IMMP2L: variants seen among roughly 807,000 people sequenced by gnomAD.
IMMP2L encodes the protein inner mitochondrial membrane peptidase subunit 2.
In IMMP2L, 18 loss-of-function variants were observed where a neutral mutation model predicts 19.3. The ratio of observed to expected loss-of-function variants is 0.93; its 90% CI spans 0.64 to 1.38. The LOEUF (loss-of-function observed/expected upper bound fraction) is 1.38. Among genes scored for constraint, IMMP2L ranks in the 40% most tolerant of loss-of-function variants. The pLI is 0.00. For missense variants in IMMP2L, 233 were observed against 218.2 expected, an observed-to-expected ratio of 1.07 and a Z score of -0.43; for synonymous variants, 76 against 73.0, an observed-to-expected ratio of 1.04 and a Z score of -0.21.
chr7:110,886,138 G>A (rs1484253711), intron 5 of IMMP2L, among the ~76,000 whole-genome samples: 2 of 151,998 alleles, frequency 1.3e-5, no homozygotes, highest in Non-Finnish European at 2.9e-5. Flanking sequence ...GACCCTAAGA[G>A]GGTAGAGGTA....
intron 3 of IMMP2L, among the ~76,000 whole-genome samples, chr7:111,361,172 A>G (rs1829225449): frequency 6.6e-6 from 1 of 152,232 alleles, no homozygotes; most frequent in East Asian, 1.9e-4. Context: ...TATGTACAAA[A>G]TGCTAGGCAG....
At chr7:111,519,820 C>T (rs1668596248) in intron 2 of IMMP2L, among the ~76,000 whole-genome samples, 1 of 151,976 alleles carries the variant, frequency 6.6e-6, no homozygotes, top group Admixed American at 6.6e-5. Context: ...CTGGAAAAGT[C>T]CTTCTTAGAA....
intron 3 of IMMP2L, among the ~76,000 whole-genome samples, chr7:111,220,828 G>A (rs1393291927): frequency 6.6e-6 from 1 of 151,952 alleles, no homozygotes; most frequent in African/African-American, 2.4e-5. Flanking sequence ...TGAGTCTGAA[G>A]GCCTGAGAAC....
intron 4 of IMMP2L, among the ~76,000 whole-genome samples, chr7:110,895,318 T>A (rs1316947193): frequency 1.1e-4 from 16 of 152,158 alleles, no homozygotes. Flanking sequence ...AAGATGAGAT[T>A]TGGGTGGGAA....
chr7:111,314,469 G>C, intron 3 of IMMP2L, among the ~76,000 whole-genome samples: 1 of 152,118 alleles, frequency 6.6e-6, no homozygotes, highest in East Asian at 1.9e-4. Flanking sequence ...TGTTGCATTT[G>C]AAATTTTTTA....
At chr7:111,113,386 C>G (rs764492285) in intron 3 of IMMP2L, among the ~76,000 whole-genome samples, 2 of 149,058 alleles carry the variant, frequency 1.3e-5, no homozygotes, top group African/African-American at 2.5e-5. Flanking sequence ...ATAGAATAGT[C>G]TTTTTTTTTT....
intron 1 of IMMP2L, among the ~76,000 whole-genome samples, chr7:111,545,829 A>G (rs1848880344): frequency 6.6e-6 from 1 of 152,140 alleles, no homozygotes; most frequent in Admixed American, 6.6e-5. Context: ...ACAATACTCA[A>G]AAGAGGAATA....
In IMMP2L at chr7:111,124,152, T is replaced by A. The variant is rs143921651; in HGVS notation, c.240-160587A>T. 4.3e-5 allele frequency: 70 copies of A among 1,614,022 alleles called. No homozygotes were observed. In the African/African-American group the frequency reaches 7.5e-4, roughly 17 times the overall value. On this transcript the variant is annotated intron_variant, in intron 3 of 5. Transcript: ENST00000405709. Reference sequence around the variant, plus strand: ...CTGAAATCTACTGGATAACACCTTCTGGTCAAAAACTCTTGCCTAATACCC... The same window carrying A: ...CTGAAATCTACTGGATAACACCTTCAGGTCAAAAACTCTTGCCTAATACCC...
chr7:110,875,458 T>C (rs557786376), intron 5 of IMMP2L, among the ~76,000 whole-genome samples: 1 of 152,284 alleles, frequency 6.6e-6, no homozygotes, highest in Non-Finnish European at 1.5e-5. Flanking sequence ...AAATATTTTG[T>C]GAAGTAGAAT....
intron 3 of IMMP2L, chr7:111,124,740 T>C (rs745621269): frequency 1.9e-6 from 3 of 1,613,952 alleles, no homozygotes; most frequent in South Asian, 1.1e-5. Context: ...TGAACTGTGA[T>C]GGTGGACACA....
intron 3 of IMMP2L, among the ~76,000 whole-genome samples, chr7:111,443,702 G>A (rs545533677): frequency 1.1e-4 from 16 of 152,056 alleles, no homozygotes; most frequent in South Asian, 8.3e-4. Flanking sequence ...TTAAAATATC[G>A]GAAACTATTA....
Position 110,866,313 on chromosome 7 carries a change from T to C in IMMP2L, c.408+20280A>G, listed in dbSNP as rs147341611. Among the ~76,000 whole-genome samples the C allele has an allele frequency of 5.1e-3, 778 of 151,864 alleles. 6 individuals are homozygous for C. Among genetic ancestry groups the C allele is most frequent in the South Asian group, 0.031 (149 of 4,804 alleles). Reference sequence around the variant, plus strand: ...GGAATAATCGCATAAAATCTGGTAGTTGGTTGTGGAGATGGGAGTGAGTTT... The same window carrying C: ...GGAATAATCGCATAAAATCTGGTAGCTGGTTGTGGAGATGGGAGTGAGTTT... On this transcript the variant is annotated intron_variant, in intron 5 of 5. Transcript: ENST00000405709.
chr7:110,926,299 G>A (rs1181721451), intron 4 of IMMP2L, among the ~76,000 whole-genome samples: 1 of 152,034 alleles, frequency 6.6e-6, no homozygotes, highest in Non-Finnish European at 1.5e-5. Context: ...TTCTGCATCT[G>A]TTGAAGTGAC....
chr7:110,798,796 A>G (rs916351747), intron 5 of IMMP2L, among the ~76,000 whole-genome samples: 1 of 151,986 alleles, frequency 6.6e-6, no homozygotes, highest in Non-Finnish European at 1.5e-5. Context: ...AAAGGGAAAC[A>G]TCTCCACAAA....
chr7:110,821,061 C>A (rs1339215725), intron 5 of IMMP2L, among the ~76,000 whole-genome samples: 7 of 152,048 alleles, frequency 4.6e-5, no homozygotes, highest in African/African-American at 1.7e-4. Flanking sequence ...TTTATATACA[C>A]TAACTCATTT....
chr7:111,423,217 A>T (rs1387552949), intron 3 of IMMP2L, among the ~76,000 whole-genome samples: 2 of 151,834 alleles, frequency 1.3e-5, no homozygotes, highest in Non-Finnish European at 2.9e-5. Flanking sequence ...TATCAGGATG[A>T]TGCTGGCCTC....
chr7:110,776,105 T>G (rs1226358617), intron 5 of IMMP2L, among the ~76,000 whole-genome samples: 1 of 152,066 alleles, frequency 6.6e-6, no homozygotes, highest in Non-Finnish European at 1.5e-5. Flanking sequence ...ACTGTGTATG[T>G]GTGTAAATTA....
chr7:111,043,615 G>C (rs561902121), intron 3 of IMMP2L, among the ~76,000 whole-genome samples: 1 of 152,228 alleles, frequency 6.6e-6, no homozygotes, highest in East Asian at 1.9e-4. Context: ...AAACAGAATA[G>C]TAAAAAGCTA....
intron 4 of IMMP2L, among the ~76,000 whole-genome samples, chr7:110,917,431 C>G (rs1041282652): frequency 1.3e-5 from 2 of 152,168 alleles, no homozygotes; most frequent in African/African-American, 4.8e-5. Context: ...TGAACACTAT[C>G]TGCATGTCAA....
Sources: allele counts gnomAD v4.1 joint callset (sites outside exome capture counted in the v4.1 genomes callset), GRCh38; gene constraint gnomAD v4.1.1; transcripts MANE v1.5; gene names NCBI Gene and HGNC (gene_info 2026-07-23, HGNC 2026-07-21).